EMG1: variants seen among roughly 807,000 people sequenced by gnomAD.
The protein encoded by EMG1 is EMG1 N1-specific pseudouridine methyltransferase, also known as ribosomal RNA small subunit methyltransferase NEP1.
In EMG1, 24 loss-of-function variants were observed where a neutral mutation model predicts 26.9. That is an observed-to-expected ratio of 0.89 (90% CI 0.65 to 1.26). The LOEUF (loss-of-function observed/expected upper bound fraction) is 1.26. EMG1 is among the 50% of genes most tolerant of loss of function. The pLI, the probability that EMG1 is intolerant of heterozygous loss-of-function variation, is 0.00. For synonymous variants in EMG1, 140 were observed against 112.6 expected, an observed-to-expected ratio of 1.24 and a Z score of -1.54; for missense variants, 299 against 307.6, an observed-to-expected ratio of 0.97 and a Z score of 0.21.
downstream of EMG1, chr12:6,982,999 T>C (rs1946486617): frequency 1.6e-6 from 1 of 619,638 alleles, no homozygotes; most frequent in Non-Finnish European, 3.0e-6. Context: ...TTTGTTTTTT[T>C]AGAGATGCGA....
Position 6,986,069 on chromosome 12 carries a change from C to G in EMG1, c.*155-1713C>G, listed in dbSNP as rs889831396. On this transcript the variant is annotated intron_variant and NMD_transcript_variant, in intron 6 of 7. Transcript: ENST00000261406. ...GGATTACAGGCGTGAGCCACCACGC[C>G]CGGCCAACTGGTGTTTTTTTTTTAA... Among the ~76,000 whole-genome samples the G allele has an allele frequency of 2.6e-5, 4 of 152,076 alleles. No individual in the cohort carries two copies. In the South Asian group the frequency reaches 8.3e-4, roughly 32 times the overall value.
rs1399056950 is a variant in EMG1 at position 6,978,147 on chromosome 12, C to T, written c.*2338C>T. The T allele has an allele frequency of 4.5e-6, 3 of 662,146 alleles. No homozygotes were observed. The highest frequency in any genetic ancestry group is 2.0e-5 in the South Asian group (1 of 50,030). 41.0% of individuals were successfully genotyped at this position (662,146 alleles called of 1,614,324 possible). A position where few individuals can be genotyped will look rare whatever the true frequency, so the allele number is the denominator to read the frequency against. ...GTCTTAACGCACTTTTATATCTTGCCTTTTTTTCAAATATGACAGTAATGG... is the reference window on the plus strand; with the variant it reads ...GTCTTAACGCACTTTTATATCTTGCTTTTTTTTCAAATATGACAGTAATGG... On this transcript the variant is annotated 3_prime_UTR_variant, in exon 6 of 6. Coordinates refer to ENST00000599672, the MANE Select transcript of EMG1 (RefSeq NM_006331.8).
At chr12:6,980,481 A>G (rs782448374), downstream of EMG1, among the ~76,000 whole-genome samples, 1 of 152,018 alleles carries the variant, frequency 6.6e-6, no homozygotes, top group East Asian at 1.9e-4. Context: ...TCAGCCTCCT[A>G]TGTAGCTTGG....
At chr12:6,971,785 C>G (rs781845587) in intron 1 of EMG1, among the ~76,000 whole-genome samples, 1 of 152,194 alleles carries the variant, frequency 6.6e-6, no homozygotes, top group Non-Finnish European at 1.5e-5. Context: ...GTAAGGGCTT[C>G]GTGTTTCAAT....
rs1555153116 is a variant in EMG1 at position 6,975,908 on chromosome 12, C to G, written c.*99C>G. On this transcript the variant is annotated 3_prime_UTR_variant, in exon 6 of 6. Coordinates refer to ENST00000599672, the MANE Select transcript of EMG1 (RefSeq NM_006331.8). ...GGAAGATGATCTTTCTGCACTGAGACTGTGGAGTTTGGGGAAGCCAAGGCT... is the reference window on the plus strand; with the variant it reads ...GGAAGATGATCTTTCTGCACTGAGAGTGTGGAGTTTGGGGAAGCCAAGGCT... 6.6e-6 allele frequency: 5 copies of G among 760,520 alleles called. No homozygotes were observed. The highest frequency in any genetic ancestry group is 5.2e-5 in the African/African-American group (3 of 58,140). 47.1% of individuals were successfully genotyped at this position (760,520 alleles called of 1,614,324 possible).
At chr12:6,992,433 A>C (rs1946598384), downstream of EMG1, among the ~76,000 whole-genome samples, 1 of 152,044 alleles carries the variant, frequency 6.6e-6, no homozygotes, top group African/African-American at 2.4e-5. Context: ...GACCACTGGT[A>C]CAGTTTGGTG....
At chr12:6,981,185 A>G (rs781946594), downstream of EMG1, 1 of 1,604,002 alleles carries the variant, frequency 6.2e-7, no homozygotes, top group Non-Finnish European at 8.5e-7. Context: ...AAGGAATTCT[A>G]TGCCAAGAAG....
chr12:6,977,161 T>A lies in EMG1; in HGVS notation c.*1352T>A. ...GGGAAATGGATTATTCCATCTTCTTTAACTTCTCTTTCCTTGGCACCATTG... is the reference window on the plus strand; with the variant it reads ...GGGAAATGGATTATTCCATCTTCTTAAACTTCTCTTTCCTTGGCACCATTG... On this transcript the variant is annotated 3_prime_UTR_variant, in exon 6 of 6. Transcript: ENST00000599672. This position sits in a 1 kb window ranked among gnomAD's most constrained non-coding sequence, Gnocchi z 4.5. The A allele has an allele frequency of 5.0e-6, 8 of 1,608,060 alleles. No individual in the cohort carries two copies. The highest frequency in any genetic ancestry group is 6.0e-6 in the Non-Finnish European group (7 of 1,174,456).
downstream of EMG1, chr12:6,981,064 T>C: frequency 3.7e-6 from 6 of 1,612,874 alleles, no homozygotes; most frequent in Non-Finnish European, 5.1e-6. Context: ...CATGTAGTGA[T>C]TCATTGAGAA....
downstream of EMG1, among the ~76,000 whole-genome samples, chr12:6,983,905 GGCTGAGGCAAGGGGATTGCTTGA>G (rs1312292416): frequency 6.6e-6 from 1 of 152,122 alleles, no homozygotes; most frequent in East Asian, 1.9e-4. Context: ...CACTCTGGGA[GGCTGAGGCAAGGGGATTGCTTGA>G]GCCGAGGAGT....
In EMG1 at chr12:6,975,906, G is replaced by T; in HGVS notation, c.*97G>T. 1 of 764,090 alleles carries T rather than the reference G, an allele frequency of 1.3e-6. No individual in the cohort carries two copies. The allele number at this position is 764,090 out of a possible 1,614,324, so 47.3% of individuals were successfully genotyped here. On this transcript the variant is annotated 3_prime_UTR_variant, in exon 6 of 6. Transcript: ENST00000599672. ...CTGGAAGATGATCTTTCTGCACTGAGACTGTGGAGTTTGGGGAAGCCAAGG... is the reference window on the plus strand; with the variant it reads ...CTGGAAGATGATCTTTCTGCACTGATACTGTGGAGTTTGGGGAAGCCAAGG...
chr12:6,975,406 C>T, intron 5 of EMG1, 28 bp downstream of exon 5: 1 of 1,561,996 alleles, frequency 6.4e-7, no homozygotes, highest in Non-Finnish European at 8.7e-7. Context: ...CCCTGAAATT[C>T]TTGGTAGAGC....
Position 6,978,159 on chromosome 12 carries a change from T to C in EMG1, c.*2350T>C. 1 of 706,074 alleles carries C rather than the reference T, an allele frequency of 1.4e-6. No individual in the cohort carries two copies. The highest frequency in any genetic ancestry group is 2.6e-5 in the East Asian group (1 of 38,084). 43.7% of individuals were successfully genotyped at this position (706,074 alleles called of 1,614,324 possible). ...TTTTATATCTTGCCTTTTTTTCAAA[T>C]ATGACAGTAATGGTTTTTTTGGGAG... On this transcript the variant is annotated 3_prime_UTR_variant, in exon 6 of 6. Coordinates refer to ENST00000599672, the MANE Select transcript of EMG1 (RefSeq NM_006331.8).
At chr12:6,975,590 A>G (rs184772713) in intron 5 of EMG1, 106 bp from the exon 6 acceptor site, 9 of 992,182 alleles carry the variant, frequency 9.1e-6, no homozygotes, top group African/African-American at 4.8e-5. Context: ...TTGATATTCA[A>G]CAGCACAGCT....
At chr12:6,982,021 A>C, downstream of EMG1, 1 of 646,058 alleles carries the variant, frequency 1.5e-6, no homozygotes, top group Non-Finnish European at 2.8e-6. Context: ...AAGCCTTAAT[A>C]AATTCCTACA....
Position 6,974,868 on chromosome 12 carries a change from T to C in EMG1, c.412+175T>C, listed in dbSNP as rs782267364. 50 of 833,414 alleles carry C rather than the reference T, an allele frequency of 6.0e-5. 1 individual carries two copies. Among genetic ancestry groups the C allele is most frequent in the South Asian group, 4.1e-4 (25 of 60,394 alleles). The allele number at this position is 833,414 out of a possible 1,614,324, so 51.6% of individuals were successfully genotyped here. ...ATGTTTGTGGAAACTCCACTCCTGT[T>C]CTTGCAGTAGCTTCCTGGCTGAGTG... On this transcript the variant is annotated intron_variant, in intron 3 of 5. Transcript: ENST00000599672.
rs1946365705 is a variant in EMG1 at position 6,974,235 on chromosome 12, C to T, written c.169-104C>T. 7 of 815,606 alleles carry T rather than the reference C, an allele frequency of 8.6e-6. No homozygotes were observed. The East Asian group carries it at 1.1e-4, about 12-fold the overall frequency. 50.5% of individuals were successfully genotyped at this position (815,606 alleles called of 1,614,324 possible). Reference sequence around the variant, plus strand: ...GCCTGAGAATTTGCCTAACAAGTTTCCAGGTGCAGCTGCTGCTGGTAGTTT... The same window carrying T: ...GCCTGAGAATTTGCCTAACAAGTTTTCAGGTGCAGCTGCTGCTGGTAGTTT... On this transcript the variant is annotated intron_variant, in intron 1 of 5. Coordinates refer to ENST00000599672, the MANE Select transcript of EMG1 (RefSeq NM_006331.8).
chr12:6,975,891 A>G lies in EMG1; in HGVS notation c.*82A>G, dbSNP rs1468543986. Reference sequence around the variant, plus strand: ...GGTCTGAGCTGACTGCTGGAAGATGATCTTTCTGCACTGAGACTGTGGAGT... The same window carrying G: ...GGTCTGAGCTGACTGCTGGAAGATGGTCTTTCTGCACTGAGACTGTGGAGT... On this transcript the variant is annotated 3_prime_UTR_variant, in exon 6 of 6. Transcript: ENST00000599672. 4.8e-6 allele frequency: 4 copies of G among 833,922 alleles called. No homozygotes were observed. Among genetic ancestry groups the G allele is most frequent in the African/African-American group, 3.3e-5 (2 of 59,878 alleles). The allele number at this position is 833,922 out of a possible 1,614,324, so 51.7% of individuals were successfully genotyped here.
chr12:6,981,673 G>T, downstream of EMG1: 1 of 1,556,500 alleles, frequency 6.4e-7, no homozygotes, highest in Non-Finnish European at 8.8e-7. Flanking sequence ...GGTGGGAGAG[G>T]ACACTGAGGA....
Sources: gnomAD v4.1 joint callset for allele counts (sites outside exome capture counted in the v4.1 genomes callset) on GRCh38, gnomAD v4.1.1 for gene constraint, Gnocchi (gnomAD v3.1) non-coding constraint, MANE v1.5 for transcripts, NCBI Gene and HGNC (gene_info 2026-07-23, HGNC 2026-07-21) for gene names.